Variants in OR4A5 observed in about 807,000 individuals in gnomAD.
OR4A5 encodes the protein olfactory receptor family 4 subfamily A member 5.
For synonymous variants in OR4A5, 245 were observed against 138.5 expected, an observed-to-expected ratio of 1.77 and a Z score of -5.40; for missense variants, 684 against 381.6, an observed-to-expected ratio of 1.79 and a Z score of -6.60.
At position 54,706,843 on chromosome 11, in the gene OR4A5, C is replaced by T. The variant is rs759935521; in HGVS notation, c.-42C>T. 7 of 1,310,594 alleles carry T rather than the reference C, an allele frequency of 5.3e-6. No homozygotes were observed. Among genetic ancestry groups the T allele is most frequent in the Middle Eastern group, 2.0e-4 (1 of 4,980 alleles). 81.2% of individuals were successfully genotyped at this position (1,310,594 alleles called of 1,614,324 possible). On this transcript the variant is annotated 5_prime_UTR_variant, in exon 1 of 1. Coordinates refer to ENST00000319760, the MANE Select transcript of OR4A5 (RefSeq NM_001005272.3). ...CACTATTTCGTTACAGGCCCTGTTTCCCTGAGCTCTCACCTCTGATACAAG... is the reference window on the plus strand; with the variant it reads ...CACTATTTCGTTACAGGCCCTGTTTTCCTGAGCTCTCACCTCTGATACAAG...
Position 54,707,191 on chromosome 11 carries a change from C to T in OR4A5, c.307C>T (p.His103Tyr). 6.2e-7 allele frequency: 1 copy of T among 1,613,660 alleles called. No individual in the cohort carries two copies. The highest frequency in any genetic ancestry group is 8.5e-7 in the Non-Finnish European group (1 of 1,179,880). Residue 103 changes from histidine (H) to tyrosine (Y), a missense_variant, in exon 1 of 1, where the codon CAT becomes TAT. Transcript: ENST00000319760. ...TTGCATGGGCCAGCTATTTATAGAC[C>T]ATTTCTTTGGTGGGGCTGAGGTCTT... Reference protein sequence around the residue: ...QGCMGQLFIDHFFGGAEVFLL... With the variant: ...QGCMGQLFIDYFFGGAEVFLL...
In OR4A5 at chr11:54,706,905, T is replaced by C. The variant is rs1264162844; in HGVS notation, c.21T>C (p.Ile7=). 3 of 1,608,982 alleles carry C rather than the reference T, an allele frequency of 1.9e-6. No individual in the cohort carries two copies. Among genetic ancestry groups the C allele is most frequent in the East Asian group, 4.5e-5 (2 of 44,650 alleles). MRQNNN[I]TEFVLLGFSQ... ...AGTAAATGAGACAGAATAACAATAT[T>C]ACAGAATTTGTCCTCCTGGGCTTTT... The change falls in exon 1 of 1, where the codon ATT becomes ATC. Residue 7 remains isoleucine, a synonymous_variant. Transcript: ENST00000319760.
rs147907445 is a variant in OR4A5, at chr11:54,707,009, T to A, written c.125T>A (p.Leu42His). ...TTGGTGACAGTGGTGGGGAACCTGC[T>A]CATTGTGGTGGATATTATTGCCAGC... Reference protein sequence around the residue: ...TYLVTVVGNLLIVVDIIASPS... With the variant: ...TYLVTVVGNLHIVVDIIASPS... Residue 42 changes from leucine to histidine, a missense_variant, in exon 1 of 1, where the codon CTC becomes CAC. Coordinates refer to ENST00000319760, the MANE Select transcript of OR4A5 (RefSeq NM_001005272.3). 1 of 1,613,604 alleles carries A rather than the reference T, an allele frequency of 6.2e-7. No homozygotes were observed. The highest frequency in any genetic ancestry group is 2.2e-5 in the East Asian group (1 of 44,758).
In OR4A5 at chr11:54,706,891, C is replaced by G. The variant is rs767467370; in HGVS notation, c.7C>G (p.Gln3Glu). The change falls in exon 1 of 1, where the codon CAG (glutamine) becomes GAG (glutamate). Residue 3 changes from glutamine (Q) to glutamate (E), a missense_variant. Gln to Glu is a conservative substitution (Grantham distance 29). Coordinates refer to ENST00000319760, the MANE Select transcript of OR4A5 (RefSeq NM_001005272.3). MR[Q>E]NNNITEFVLL... ...AAGCCTTAAAGAAGAGTAAATGAGA[C>G]AGAATAACAATATTACAGAATTTGT... is the stretch of plus-strand genomic sequence containing the variant. 2 of 1,598,238 alleles carry G rather than the reference C, an allele frequency of 1.3e-6. No individual in the cohort carries two copies. Among genetic ancestry groups the G allele is most frequent in the Non-Finnish European group, 1.7e-6 (2 of 1,170,910 alleles).
rs1377059515 is a variant in OR4A5, at chr11:54,706,868, G to A, written c.-17G>A. The stretch of plus-strand genomic sequence containing the variant: ...CCCTGAGCTCTCACCTCTGATACAA[G>A]CCTTAAAGAAGAGTAAATGAGACAG... On this transcript the variant is annotated 5_prime_UTR_variant, in exon 1 of 1. Coordinates refer to ENST00000319760, the MANE Select transcript of OR4A5 (RefSeq NM_001005272.3). 1 of 1,531,656 alleles carries A rather than the reference G, an allele frequency of 6.5e-7. No individual in the cohort carries two copies. The highest frequency in any genetic ancestry group is 2.3e-5 in the East Asian group (1 of 43,884). The allele number at this position is 1,531,656 out of a possible 1,614,324, so 94.9% of individuals were successfully genotyped here.
In OR4A5 at chr11:54,706,892, A is replaced by G; in HGVS notation, c.8A>G (p.Gln3Arg). Residue 3 changes from glutamine to arginine, a missense_variant, in exon 1 of 1, where the codon CAG becomes CGG. Gln to Arg is a conservative substitution (Grantham distance 43, BLOSUM62 1). Transcript: ENST00000319760. ...AGCCTTAAAGAAGAGTAAATGAGAC[A>G]GAATAACAATATTACAGAATTTGTC... MR[Q>R]NNNITEFVLL... The G allele has an allele frequency of 6.3e-7, 1 of 1,599,514 alleles. No homozygotes were observed.
Position 54,706,910 on chromosome 11 carries a change from A to C in OR4A5, c.26A>C (p.Glu9Ala), listed in dbSNP as rs149177099. 6.2e-6 allele frequency: 10 copies of C among 1,610,406 alleles called. No individual in the cohort carries two copies. Among genetic ancestry groups the C allele is most frequent in the Non-Finnish European group, 8.5e-6 (10 of 1,178,128 alleles). The change falls in exon 1 of 1, where the codon GAA becomes GCA. Residue 9 changes from glutamate (E) to alanine (A), a missense_variant. By Grantham distance (107) the Glu-to-Ala change is moderately radical. Transcript: ENST00000319760. ...ATGAGACAGAATAACAATATTACAG[A>C]ATTTGTCCTCCTGGGCTTTTCTCAG... is the stretch of plus-strand genomic sequence containing the variant. MRQNNNIT[E>A]FVLLGFSQDP...
rs1854057937 is a variant in OR4A5, at chr11:54,707,498, T to G, written c.614T>G (p.Met205Arg). The G allele has an allele frequency of 6.2e-7, 1 of 1,613,670 alleles. No homozygotes were observed. The change falls in exon 1 of 1, where the codon ATG becomes AGG. Residue 205 changes from methionine (M) to arginine (R), a missense_variant. By Grantham distance (91) the Met-to-Arg change is moderately conservative. Transcript: ENST00000319760. ...TVVVNSGAICMVIFNLLLISY... is the reference protein window; with the variant it reads ...TVVVNSGAICRVIFNLLLISY... Reference sequence around the variant, plus strand: ...GTTGTCAATAGTGGAGCAATCTGTATGGTCATTTTCAACCTTCTGTTAATC... The same window carrying G: ...GTTGTCAATAGTGGAGCAATCTGTAGGGTCATTTTCAACCTTCTGTTAATC...
chr11:54,707,756 T>G lies in OR4A5; in HGVS notation c.872T>G (p.Met291Arg). 6.3e-7 allele frequency: 1 copy of G among 1,591,544 alleles called. No individual in the cohort carries two copies. The highest frequency in any genetic ancestry group is 8.6e-7 in the Non-Finnish European group (1 of 1,164,460). Residue 291 changes from methionine to arginine, a missense_variant, in exon 1 of 1, where the codon ATG becomes AGG. Physicochemically the swap from Met to Arg is moderately conservative, Grantham distance 91. Coordinates refer to ENST00000319760, the MANE Select transcript of OR4A5 (RefSeq NM_001005272.3). ...ATATATACGTTGAGAAATTCAGAGATGAGAAATGCTATAGAAAAACTCTTG... is the reference window on the plus strand; with the variant it reads ...ATATATACGTTGAGAAATTCAGAGAGGAGAAATGCTATAGAAAAACTCTTG... ...PLIYTLRNSE[M>R]RNAIEKLLGK...
chr11:54,707,007 G>T lies in OR4A5; in HGVS notation c.123G>T (p.Leu41=), dbSNP rs759199604. The part of the protein sequence containing the change: ...LTYLVTVVGN[L]LIVVDIIASP... ...ACTTGGTGACAGTGGTGGGGAACCTGCTCATTGTGGTGGATATTATTGCCA... is the reference window on the plus strand; with the variant it reads ...ACTTGGTGACAGTGGTGGGGAACCTTCTCATTGTGGTGGATATTATTGCCA... Residue 41 remains leucine, a synonymous_variant, in exon 1 of 1, where the codon CTG becomes CTT. Coordinates refer to ENST00000319760, the MANE Select transcript of OR4A5 (RefSeq NM_001005272.3). 2 of 1,613,502 alleles carry T rather than the reference G, an allele frequency of 1.2e-6. No individual in the cohort carries two copies. The highest frequency in any genetic ancestry group is 2.2e-5 in the South Asian group (2 of 91,070).
Position 54,707,832 on chromosome 11 carries a change from G to T in OR4A5, c.948G>T (p.Ter316TyrextTer17). 7.4e-7 allele frequency: 1 copy of T among 1,350,574 alleles called. No homozygotes were observed. The highest frequency in any genetic ancestry group is 1.0e-6 in the Non-Finnish European group (1 of 977,568). 83.7% of individuals were successfully genotyped at this position (1,350,574 alleles called of 1,614,324 possible). A position where few individuals can be genotyped will look rare whatever the true frequency, so the allele number is the denominator to read the frequency against. The stretch of plus-strand genomic sequence containing the variant: ...TAGGAGGAGTGTCCGTCCTCATGTA[G>T]GTAAGGAGGTATGTAGTCAAGGTCT... Reference protein sequence around the residue: ...FIIGGVSVLM* With the variant: ...FIIGGVSVLMY The change falls in exon 1 of 1, where the codon TAG becomes TAT. Residue 316 changes from the stop codon to tyrosine, a stop_lost. Coordinates refer to ENST00000319760, the MANE Select transcript of OR4A5 (RefSeq NM_001005272.3).
rs770901433 is a variant in OR4A5 at position 54,706,974 on chromosome 11, A to G, written c.90A>G (p.Leu30=). ...AAAAAGCATTATTTGTCATGTTTTT[A>G]CTCACATACTTGGTGACAGTGGTGG... ...GVQKALFVMF[L]LTYLVTVVGN... is the part of the protein sequence containing the mutation. The change falls in exon 1 of 1, where the codon TTA becomes TTG. Residue 30 remains leucine (L), a synonymous_variant. Coordinates refer to ENST00000319760, the MANE Select transcript of OR4A5 (RefSeq NM_001005272.3). The G allele has an allele frequency of 4.3e-6, 7 of 1,613,108 alleles. No homozygotes were observed. The East Asian group carries it at 1.3e-4, about 31-fold the overall frequency.
Position 54,707,538 on chromosome 11 carries a change from C to A in OR4A5, c.654C>A (p.Ile218=). 1 of 1,613,660 alleles carries A rather than the reference C, an allele frequency of 6.2e-7. No homozygotes were observed. Among genetic ancestry groups the A allele is most frequent in the Non-Finnish European group, 8.5e-7 (1 of 1,179,850 alleles). The change falls in exon 1 of 1, where the codon ATC becomes ATA. Residue 218 remains isoleucine (I), a synonymous_variant. Transcript: ENST00000319760. The part of the protein sequence containing the change: ...FNLLLISYGV[I]LSSLKTYSQE... ...TTCTGTTAATCTCCTATGGAGTCAT[C>A]CTAAGCTCCCTTAAAACTTACAGTC...
At position 54,707,862 on chromosome 11, in the gene OR4A5, A is replaced by C; in HGVS notation, c.*30A>C. Reference sequence around the variant, plus strand: ...GGAGGTATGTAGTCAAGGTCTTCCCAGTGAAGTTTTCAGGTTTCTAAGGGC... The same window carrying C: ...GGAGGTATGTAGTCAAGGTCTTCCCCGTGAAGTTTTCAGGTTTCTAAGGGC... On this transcript the variant is annotated 3_prime_UTR_variant, in exon 1 of 1. Coordinates refer to ENST00000319760, the MANE Select transcript of OR4A5 (RefSeq NM_001005272.3). 1 of 1,077,596 alleles carries C rather than the reference A, an allele frequency of 9.3e-7. No homozygotes were observed. The highest frequency in any genetic ancestry group is 1.3e-6 in the Non-Finnish European group (1 of 755,486). The allele number at this position is 1,077,596 out of a possible 1,614,324, so 66.8% of individuals were successfully genotyped here.
Position 54,707,308 on chromosome 11 carries a change from CTG to C in OR4A5, c.426_427del (p.Leu143GlyfsTer34). The stretch of plus-strand genomic sequence containing the variant: ...CATGAATCGACAGGTTTGCTTCCTT[CTG>C]TTGGTGGTGGCCATGATTGGAGGTT... ...TIMNRQVCFL[L>X]LVVAMIGGFV... On this transcript the variant is annotated frameshift_variant, in exon 1 of 1. Coordinates refer to ENST00000319760, the MANE Select transcript of OR4A5 (RefSeq NM_001005272.3). LOFTEE classifies it low-confidence loss of function (END_TRUNC). 6.2e-7 allele frequency: 1 copy of C among 1,613,728 alleles called. No individual in the cohort carries two copies. Among genetic ancestry groups the C allele is most frequent in the Non-Finnish European group, 8.5e-7 (1 of 1,179,870 alleles).
In OR4A5 at chr11:54,707,271, C is replaced by T. The variant is rs1488149226; in HGVS notation, c.387C>T (p.His129=). 11 of 1,613,602 alleles carry T rather than the reference C, an allele frequency of 6.8e-6. No homozygotes were observed. In the African/African-American group the frequency reaches 1.1e-4, roughly 16 times the overall value. Residue 129 remains histidine (H), a synonymous_variant, in exon 1 of 1, where the codon CAC becomes CAT. Transcript: ENST00000319760. The part of the protein sequence containing the change: ...DRYVAICKPL[H]YLTIMNRQVC... ...ATGTGGCCATCTGTAAGCCACTGCA[C>T]TATTTGACCATCATGAATCGACAGG... is the stretch of plus-strand genomic sequence containing the variant.
In OR4A5 at chr11:54,707,871, T is replaced by C. The variant is rs539130226; in HGVS notation, c.*39T>C. 471 of 972,910 alleles carry C rather than the reference T, an allele frequency of 4.8e-4. 9 individuals are homozygous for C. The South Asian group carries it at 8.3e-3, about 17-fold the overall frequency. The allele number at this position is 972,910 out of a possible 1,614,324, so 60.3% of individuals were successfully genotyped here. ...TAGTCAAGGTCTTCCCAGTGAAGTT[T>C]TCAGGTTTCTAAGGGCAAGTCAAGG... is the stretch of plus-strand genomic sequence containing the variant. On this transcript the variant is annotated 3_prime_UTR_variant, in exon 1 of 1. Transcript: ENST00000319760.
Position 54,707,453 on chromosome 11 carries a change from A to G in OR4A5, c.569A>G (p.Tyr190Cys). ...CTGGAACTGGCATGCACTGACACCTACTTTATAGGCCTCACTGTTGTTGTC... is the reference window on the plus strand; with the variant it reads ...CTGGAACTGGCATGCACTGACACCTGCTTTATAGGCCTCACTGTTGTTGTC... ...PLLELACTDTYFIGLTVVVNS... is the reference protein window; with the variant it reads ...PLLELACTDTCFIGLTVVVNS... The change falls in exon 1 of 1, where the codon TAC becomes TGC. Residue 190 changes from tyrosine to cysteine, a missense_variant. Tyr to Cys is a radical substitution (Grantham distance 194). Coordinates refer to ENST00000319760, the MANE Select transcript of OR4A5 (RefSeq NM_001005272.3). 6.2e-7 allele frequency: 1 copy of G among 1,613,472 alleles called. No homozygotes were observed. Among genetic ancestry groups the G allele is most frequent in the Non-Finnish European group, 8.5e-7 (1 of 1,179,824 alleles).
chr11:54,707,756 T>C lies in OR4A5; in HGVS notation c.872T>C (p.Met291Thr). Residue 291 changes from methionine (M) to threonine (T), a missense_variant, in exon 1 of 1, where the codon ATG becomes ACG. Met to Thr is a moderately conservative substitution (Grantham distance 81). Coordinates refer to ENST00000319760, the MANE Select transcript of OR4A5 (RefSeq NM_001005272.3). ...ATATATACGTTGAGAAATTCAGAGA[T>C]GAGAAATGCTATAGAAAAACTCTTG... ...PLIYTLRNSE[M>T]RNAIEKLLGK... 2.5e-6 allele frequency: 4 copies of C among 1,591,544 alleles called. No homozygotes were observed. Among genetic ancestry groups the C allele is most frequent in the Non-Finnish European group, 3.4e-6 (4 of 1,164,460 alleles).
Sources: gnomAD v4.1 joint callset for allele counts on GRCh38, gnomAD v4.1.1 for gene constraint, MANE v1.5 for transcripts, NCBI Gene and HGNC (gene_info 2026-07-23, HGNC 2026-07-21) for gene names.